The following NECAB2 variants were observed in gnomAD, a reference collection of about 807,000 sequenced individuals.
The protein encoded by NECAB2 is N-terminal EF-hand calcium binding protein 2.
NECAB2 carries 68 observed loss-of-function variants against 51.9 expected under a neutral mutation model. The ratio of observed to expected loss-of-function variants is 1.31; its 90% CI spans 1.08 to 1.60. NECAB2 has a LOEUF of 1.60. Among genes scored for constraint, NECAB2 ranks in the 40% most tolerant of loss-of-function variants. NECAB2 has a pLI of 0.00. For synonymous variants in NECAB2, 329 were observed against 203.5 expected, an observed-to-expected ratio of 1.62 and a Z score of -5.25; for missense variants, 854 against 490.3, an observed-to-expected ratio of 1.74 and a Z score of -7.00.
At chr16:83,991,566 C>T (rs1049616898) in intron 6 of NECAB2, among the ~76,000 whole-genome samples, 2 of 151,720 alleles carry the variant, frequency 1.3e-5, no homozygotes, top group African/African-American at 4.8e-5. Flanking sequence ...GGGGTTTCAC[C>T]ATGTTGGCCA....
chr16:83,999,576 C>G (rs908121571), intron 10 of NECAB2, among the ~76,000 whole-genome samples: 4 of 152,134 alleles, frequency 2.6e-5, no homozygotes, highest in African/African-American at 9.7e-5. Flanking sequence ...TGTAGCCCCT[C>G]CTCCCCAGCT....
chr16:83,968,699 C>G lies in NECAB2; in HGVS notation c.51C>G (p.Leu17=), dbSNP rs1341103692. The part of the protein sequence containing the change: ...RLCRAGAHRL[L]REPPQQGRAL... ...GCAGGGCCGGCGCGCACAGGCTGCT[C>G]CGGGAGCCGCCGCAGCAGGGCCGGG... The change falls in exon 1 of 13, where the codon CTC becomes CTG. Residue 17 remains leucine, a synonymous_variant. Transcript: ENST00000305202. 3 of 999,638 alleles carry G rather than the reference C, an allele frequency of 3.0e-6. No individual in the cohort carries two copies. Among genetic ancestry groups the G allele is most frequent in the East Asian group, 1.1e-4 (1 of 9,348 alleles). The allele number at this position is 999,638 out of a possible 1,614,324, so 61.9% of individuals were successfully genotyped here.
At chr16:83,967,143 A>G (rs1385259460), upstream of NECAB2, among the ~76,000 whole-genome samples, 4 of 152,224 alleles carry the variant, frequency 2.6e-5, no homozygotes, top group African/African-American at 9.6e-5. Flanking sequence ...AAGTGTTGGT[A>G]TCACAGGCAT....
chr16:83,980,787 T>C, intron 3 of NECAB2, 52 bp from the exon 4 acceptor site: 17 of 1,550,214 alleles, frequency 1.1e-5, no homozygotes, highest in Non-Finnish European at 1.5e-5. Context: ...GGGTCAGGCC[T>C]GCTAACCCCC....
rs185988454 is a variant in NECAB2, at chr16:83,998,055, G to A, written c.850-150G>A. The A allele has an allele frequency of 2.2e-4, 148 of 687,648 alleles. No individual in the cohort carries two copies. In the African/African-American group the frequency reaches 2.3e-3, roughly 11 times the overall value. 42.6% of individuals were successfully genotyped at this position (687,648 alleles called of 1,614,324 possible). ...CTAGTCCTTTCTTAGCCCATTTTTA[G>A]TCCATTCTTATCCATTCATGGGTAA... On this transcript the variant is annotated intron_variant, in intron 9 of 12. Transcript: ENST00000305202.
rs765278510 is a variant in NECAB2, at chr16:84,000,830, AGGGAGACAGAGGGAAGT to A, written c.1040+33_1040+49del. ...AGATGCTGGGTCCCCACAGCAGGTGAGGGAGACAGAGGGAAGTGGGGGGGCTGTCTTCCTGGAGCCAG... is the reference window on the plus strand; with the variant it reads ...AGATGCTGGGTCCCCACAGCAGGTGAGGGGGGGCTGTCTTCCTGGAGCCAG... On this transcript the variant is annotated intron_variant, in intron 11 of 12. Transcript: ENST00000305202. The A allele has an allele frequency of 1.1e-4, 151 of 1,400,684 alleles. 1 individual carries two copies. Among genetic ancestry groups the A allele is most frequent in the Non-Finnish European group, 1.4e-4 (147 of 1,017,458 alleles). 86.8% of individuals were successfully genotyped at this position (1,400,684 alleles called of 1,614,324 possible).
chr16:83,976,429 G>A (rs749944022), intron 2 of NECAB2, among the ~76,000 whole-genome samples: 2 of 152,192 alleles, frequency 1.3e-5, no homozygotes, highest in African/African-American at 2.4e-5. Context: ...GAGTGAGTCC[G>A]TGGAAGGTAC....
Position 83,985,635 on chromosome 16 carries a change from GA to G in NECAB2, c.459+4523del, listed in dbSNP as rs879357467. On this transcript the variant is annotated intron_variant, in intron 5 of 12. Transcript: ENST00000305202. ...GCAACAAGAGTGAGTCTCCATCTCA[GA>G]AAAAAAAAAAAAAATTACTGTTGGC... is the stretch of plus-strand genomic sequence containing the variant. 2.8e-3 allele frequency among the ~76,000 whole-genome samples: 346 copies of G among 125,612 alleles called. 1 individual carries two copies. Among genetic ancestry groups the G allele is most frequent in the South Asian group, 7.7e-3 (31 of 4,030 alleles). 82.4% of individuals were successfully genotyped at this position (125,612 alleles called of 152,430 possible). A position where few individuals can be genotyped will look rare whatever the true frequency, so the allele number is the denominator to read the frequency against.
chr16:83,969,133 G>T (rs1482459739), intron 1 of NECAB2, among the ~76,000 whole-genome samples: 8 of 149,760 alleles, frequency 5.3e-5, no homozygotes, highest in Non-Finnish European at 1.2e-4. Context: ...GTGAGCCCCC[G>T]GACCCGGCCA....
intron 5 of NECAB2, among the ~76,000 whole-genome samples, chr16:83,982,465 C>T (rs998892909): frequency 3.3e-5 from 5 of 152,268 alleles, no homozygotes; most frequent in African/African-American, 9.6e-5. Context: ...ATGGGAAGAT[C>T]CCAGGCTTCC....
upstream of NECAB2, chr16:83,966,095 C>T (rs1416003426): frequency 8.8e-7 from 1 of 1,135,988 alleles, no homozygotes; most frequent in East Asian, 2.6e-5. Context: ...CAAAGATGCC[C>T]CGGGGAGGGG....
In NECAB2 at chr16:83,994,549, C is replaced by T. The variant is rs989469883; in HGVS notation, c.716-60C>T. The T allele has an allele frequency of 1.2e-5, 20 of 1,604,884 alleles. No individual in the cohort carries two copies. The South Asian group carries it at 1.4e-4, about 11-fold the overall frequency. On this transcript the variant is annotated intron_variant, in intron 7 of 12. Coordinates refer to ENST00000305202, the MANE Select transcript of NECAB2 (RefSeq NM_019065.3). ...TGGAGGGGCTGGATGTTTCCAGCTT[C>T]CCCCCGAAGCCCTCGTCCTGCCCAC...
At chr16:83,982,955 G>T (rs2084507936) in intron 5 of NECAB2, among the ~76,000 whole-genome samples, 1 of 151,374 alleles carries the variant, frequency 6.6e-6, no homozygotes, top group Non-Finnish European at 1.5e-5. Context: ...TGCAACCTCT[G>T]CCTCCTGGGT....
intron 5 of NECAB2, among the ~76,000 whole-genome samples, chr16:83,989,177 C>G (rs753620640): frequency 6.6e-6 from 1 of 152,150 alleles, no homozygotes; most frequent in Non-Finnish European, 1.5e-5. Flanking sequence ...ATTCGCGTGT[C>G]TGGAGTCTGT....
chr16:83,984,196 C>T (rs965367508), intron 5 of NECAB2, among the ~76,000 whole-genome samples: 1 of 151,466 alleles, frequency 6.6e-6, no homozygotes, highest in Non-Finnish European at 1.5e-5. Context: ...GGGGTTTCAT[C>T]GTGTTAGCCA....
At position 83,990,466 on chromosome 16, in the gene NECAB2, C is replaced by G. The variant is rs775310085; in HGVS notation, c.460-28C>G. 28 of 1,612,260 alleles carry G rather than the reference C, an allele frequency of 1.7e-5. No individual in the cohort carries two copies. The African/African-American group carries it at 2.9e-4, about 17-fold the overall frequency. On this transcript the variant is annotated intron_variant, in intron 5 of 12. Coordinates refer to ENST00000305202, the MANE Select transcript of NECAB2 (RefSeq NM_019065.3). ...CCAATTTCCCTCCCACCCCTTTCCC[C>G]TCAGTGCCTCTTCTCTTCCTTCCAC...
intron 6 of NECAB2, chr16:83,993,397 A>C (rs1597218607): frequency 6.5e-6 from 1 of 153,098 alleles, no homozygotes; most frequent in Non-Finnish European, 1.5e-5. Flanking sequence ...GGAGTGTTCA[A>C]GGTTCACAAG....
At chr16:83,990,469 A>G (rs762863433) in intron 5 of NECAB2, 25 bp from the exon 6 acceptor site, 1 of 1,612,306 alleles carries the variant, frequency 6.2e-7, no homozygotes, top group South Asian at 1.1e-5. Context: ...CTTTCCCCTC[A>G]GTGCCTCTTC....
chr16:83,973,733 A>G (rs1318023890), intron 2 of NECAB2, among the ~76,000 whole-genome samples: 1 of 151,728 alleles, frequency 6.6e-6, no homozygotes. Context: ...CCCAGCACAC[A>G]GTAGGTCCTC....
Sources: allele counts gnomAD v4.1 joint callset (sites outside exome capture counted in the v4.1 genomes callset), GRCh38; gene constraint gnomAD v4.1.1; transcripts MANE v1.5; gene names NCBI Gene and HGNC (gene_info 2026-07-23, HGNC 2026-07-21).